The following SHANK2 variants were observed in gnomAD, a reference collection of about 807,000 sequenced individuals.
The protein encoded by SHANK2 is SH3 and multiple ankyrin repeat domains 2, also known as SH3 and multiple ankyrin repeat domains protein 2.
SHANK2 carries 43 observed loss-of-function variants against 133.7 expected under a neutral mutation model. The ratio of observed to expected loss-of-function variants is 0.32; its 90% confidence interval spans 0.25 to 0.41. The LOEUF (loss-of-function observed/expected upper bound fraction) is 0.41. Ranked by LOEUF, SHANK2 falls within the 10% of genes least tolerant of loss-of-function variation. The probability of loss-of-function intolerance (pLI) is 1.00; values close to 1 mark genes in which losing one functional copy is unlikely to be tolerated. For missense variants in SHANK2, 1,994 were observed against 2,235.8 expected (o/e 0.89, Z 2.18); for synonymous variants, 1,017 against 952.8 (o/e 1.07, Z -1.24).
chr11:70,634,335 G>T (rs2061042204), intron 17 of SHANK2: 1 of 152,118 alleles, frequency 6.6e-6, no homozygotes, highest in African/African-American at 2.4e-5. Flanking sequence ...TCTGTATATG[G>T]ATGGCAAGAA....
chr11:70,583,359 C>T (rs530073027), intron 17 of SHANK2, among the ~76,000 whole-genome samples: 21 of 152,198 alleles, frequency 1.4e-4, no homozygotes, highest in Non-Finnish European at 2.5e-4. Flanking sequence ...AAGATCCAGC[C>T]GCAGAACAGG....
chr11:70,859,196 G>T (rs1949218043), intron 11 of SHANK2, among the ~76,000 whole-genome samples: 1 of 152,224 alleles, frequency 6.6e-6, no homozygotes, highest in Non-Finnish European at 1.5e-5. Context: ...TGTCTGGATG[G>T]ATGGGTGGAT....
chr11:71,141,201 T>C (rs1463066832), intron 3 of SHANK2, among the ~76,000 whole-genome samples: 1 of 152,148 alleles, frequency 6.6e-6, no homozygotes, highest in African/African-American at 2.4e-5. Context: ...TGTGTTATCC[T>C]TCAACAAAGA....
intron 2 of SHANK2, among the ~76,000 whole-genome samples, chr11:71,173,271 A>T (rs1384223243): frequency 6.6e-6 from 1 of 152,240 alleles, no homozygotes; most frequent in African/African-American, 2.4e-5. Context: ...AATTGATTCC[A>T]GTATAGGTTT....
intron 17 of SHANK2, among the ~76,000 whole-genome samples, chr11:70,605,496 T>G (rs540520369): frequency 1.3e-5 from 2 of 152,346 alleles, no homozygotes; most frequent in East Asian, 3.9e-4. Context: ...CCTCCAGCGA[T>G]TAGCACGCTG....
At chr11:70,722,320 C>T (rs924884689) in intron 14 of SHANK2, among the ~76,000 whole-genome samples, 2 of 152,242 alleles carry the variant, frequency 1.3e-5, no homozygotes, top group African/African-American at 2.4e-5. Context: ...ATAGGATGCT[C>T]CTCACGCTCT....
At position 70,741,734 on chromosome 11, in the gene SHANK2, A is replaced by C. The variant is rs562506291; in HGVS notation, c.1778-42971T>G. On this transcript the variant is annotated intron_variant, in intron 14 of 25. Transcript: ENST00000601538. ...AAGGAAGGAAACTAGCAGAAAACCTACTATGTGTTGAGCACACAGGCTGCC... is the reference window on the plus strand; with the variant it reads ...AAGGAAGGAAACTAGCAGAAAACCTCCTATGTGTTGAGCACACAGGCTGCC... Among the ~76,000 whole-genome samples, 19 of 152,352 alleles carry C rather than the reference A, an allele frequency of 1.2e-4. No homozygotes were observed. The South Asian group carries it at 3.9e-3, about 32-fold the overall frequency.
intron 20 of SHANK2, among the ~76,000 whole-genome samples, chr11:70,501,259 G>A (rs1010972499): frequency 1.3e-5 from 2 of 152,258 alleles, no homozygotes; most frequent in Non-Finnish European, 2.9e-5. Context: ...CGGCCTCAGC[G>A]CCCTGGGCCG....
chr11:70,594,601 G>A (rs189961680), intron 17 of SHANK2, among the ~76,000 whole-genome samples: 35 of 152,232 alleles, frequency 2.3e-4, no homozygotes, highest in African/African-American at 7.5e-4. Flanking sequence ...GGCTGAGGGC[G>A]GGCAGGGGCA....
intron 10 of SHANK2, chr11:70,943,810 C>T: frequency 2.4e-6 from 1 of 418,768 alleles, no homozygotes; most frequent in Non-Finnish European, 4.8e-6. Context: ...TGCTCCCCTC[C>T]CACCCAATCC....
chr11:71,064,390 G>T (rs923634918), intron 9 of SHANK2, among the ~76,000 whole-genome samples: 1 of 152,206 alleles, frequency 6.6e-6, no homozygotes, highest in African/African-American at 2.4e-5. Context: ...ACCAAGAACC[G>T]AAGTAGAAAC....
intron 17 of SHANK2, among the ~76,000 whole-genome samples, chr11:70,557,811 A>G (rs1236600167): frequency 1.3e-5 from 2 of 152,172 alleles, no homozygotes; most frequent in Non-Finnish European, 2.9e-5. Flanking sequence ...GGCTTTCTTC[A>G]TGCACACAGC....
chr11:71,089,334 C>T (rs909259182), intron 8 of SHANK2, among the ~76,000 whole-genome samples: 3 of 152,166 alleles, frequency 2.0e-5, no homozygotes, highest in South Asian at 2.1e-4. Flanking sequence ...AGGGCGTGAG[C>T]GTCTGCATGG....
intron 3 of SHANK2, among the ~76,000 whole-genome samples, chr11:71,130,711 T>C (rs1555103516): frequency 6.6e-6 from 1 of 152,068 alleles, no homozygotes; most frequent in African/African-American, 2.4e-5. Context: ...CACCTTCCTC[T>C]TGACTTCTAC....
In SHANK2 at chr11:70,708,229, T is replaced by C. The variant is rs528314819; in HGVS notation, c.1778-9466A>G. 1.5e-3 allele frequency among the ~76,000 whole-genome samples: 152 copies of C among 99,812 alleles called. 2 individuals are homozygous for C. Among genetic ancestry groups the C allele is most frequent in the Non-Finnish European group, 2.5e-4 (12 of 47,680 alleles). The allele number at this position is 99,812 out of a possible 152,430, so 65.5% of individuals were successfully genotyped here. On this transcript the variant is annotated intron_variant, in intron 14 of 25. Transcript: ENST00000601538. ...CTTTCAGTCTGTCTGTCAAGCTGGG[T>C]GGAACCTGTTATACCCAAGACGTCA...
intron 1 of SHANK2, among the ~76,000 whole-genome samples, chr11:71,237,290 T>C (rs1954836827): frequency 1.3e-5 from 2 of 152,168 alleles, no homozygotes; most frequent in African/African-American, 4.8e-5. Flanking sequence ...AAATCAGGGT[T>C]GGCAAGCGAC....
At chr11:71,106,511 G>A (rs576802729) in intron 6 of SHANK2, among the ~76,000 whole-genome samples, 48 of 152,296 alleles carry the variant, frequency 3.2e-4, no homozygotes, top group African/African-American at 1.1e-3. Flanking sequence ...AGGTAACTCT[G>A]TGCTACTGTC....
chr11:70,911,467 T>C (rs1950191165), intron 10 of SHANK2, among the ~76,000 whole-genome samples: 1 of 152,194 alleles, frequency 6.6e-6, no homozygotes, highest in African/African-American at 2.4e-5. Flanking sequence ...CAGACAACAC[T>C]TGGCACTGTC....
At chr11:70,870,974 C>T (rs1949450476) in intron 11 of SHANK2, among the ~76,000 whole-genome samples, 1 of 152,178 alleles carries the variant, frequency 6.6e-6, no homozygotes, top group Non-Finnish European at 1.5e-5. Context: ...GACGGGGTTT[C>T]ACCATGTTGG....
Sources: gnomAD v4.1 joint callset for allele counts (sites outside exome capture counted in the v4.1 genomes callset) on GRCh38, gnomAD v4.1.1 for gene constraint, MANE v1.5 for transcripts, NCBI Gene and HGNC (gene_info 2026-07-23, HGNC 2026-07-21) for gene names.